Variants in RPH3A observed in about 807,000 individuals in gnomAD.
RPH3A encodes rabphilin-3A.
Under a neutral mutation model 102.2 loss-of-function variants are expected in RPH3A, and 48 were observed. That is an observed-to-expected ratio of 0.47 (90% CI 0.37 to 0.60). The LOEUF (loss-of-function observed/expected upper bound fraction) is 0.60, where lower values mean the gene tolerates loss of function less well. Ranked by LOEUF, RPH3A falls within the 20% of genes least tolerant of loss-of-function variation. The pLI is 0.00. For missense variants in RPH3A, 781 were observed against 910.1 expected (o/e 0.86, Z 1.83); for synonymous variants, 310 against 324.3 (o/e 0.96, Z 0.47).
chr12:112,651,475 A>G (rs755547093), intron 1 of RPH3A, among the ~76,000 whole-genome samples: 43 of 152,168 alleles, frequency 2.8e-4, no homozygotes, highest in Admixed American at 2.6e-4. Flanking sequence ...AAACTTCATT[A>G]TATTATCTTG....
Position 112,859,755 on chromosome 12 carries a change from G to A in RPH3A, c.231-5659G>A, listed in dbSNP as rs116139450. Among the ~76,000 whole-genome samples the A allele has an allele frequency of 5.0e-3, 763 of 152,240 alleles. 3 individuals are homozygous for A. The highest frequency in any genetic ancestry group is 0.017 in the African/African-American group (723 of 41,534). Reference sequence around the variant, plus strand: ...CACCAGCAGATTCAAACAGGGAGCCGCTTTAAAATGCAGGTTCCTAGGCCT... The same window carrying A: ...CACCAGCAGATTCAAACAGGGAGCCACTTTAAAATGCAGGTTCCTAGGCCT... On this transcript the variant is annotated intron_variant, in intron 5 of 21. Coordinates refer to ENST00000389385, the MANE Select transcript of RPH3A (RefSeq NM_001143854.2).
At chr12:112,621,401 G>A (rs9795986) in intron 1 of RPH3A, among the ~76,000 whole-genome samples, 3 of 149,686 alleles carry the variant, frequency 2.0e-5, no homozygotes, top group East Asian at 2.0e-4. Context: ...CCTGGGAAGC[G>A]CAAGGGGTCA....
At chr12:112,811,257 C>A (rs2041570033) in intron 2 of RPH3A, among the ~76,000 whole-genome samples, 1 of 152,190 alleles carries the variant, frequency 6.6e-6, no homozygotes, top group South Asian at 2.1e-4. Context: ...AATACCTAAT[C>A]TTGTTTTATG....
intron 1 of RPH3A, among the ~76,000 whole-genome samples, chr12:112,719,966 T>C (rs12314124): frequency 0.17 from 25,183 of 152,262 alleles, 2,288 homozygotes; most frequent in African/African-American, 0.24. Context: ...GAGCCTATAG[T>C]TTTTTTCTTT....
intron 5 of RPH3A, among the ~76,000 whole-genome samples, chr12:112,860,857 T>C (rs1309434040): frequency 6.6e-6 from 1 of 152,190 alleles, no homozygotes; most frequent in Non-Finnish European, 1.5e-5. Flanking sequence ...TGGGAGCAAC[T>C]GTGTATAAGA....
At chr12:112,731,264 G>A (rs893004349) in intron 1 of RPH3A, among the ~76,000 whole-genome samples, 1 of 151,960 alleles carries the variant, frequency 6.6e-6, no homozygotes, top group African/African-American at 2.4e-5. Context: ...AAGAGAAAGA[G>A]GGAGAGAAGA....
intron 1 of RPH3A, among the ~76,000 whole-genome samples, chr12:112,677,283 T>G (rs1162865929): frequency 6.6e-6 from 1 of 151,844 alleles, no homozygotes; most frequent in East Asian, 1.9e-4. Flanking sequence ...TGGGACCCAG[T>G]GTCAAGAGCT....
At chr12:112,615,684 G>A (rs1366448337) in intron 1 of RPH3A, among the ~76,000 whole-genome samples, 1 of 152,066 alleles carries the variant, frequency 6.6e-6, no homozygotes, top group African/African-American at 2.4e-5. Flanking sequence ...TGCACTTGAC[G>A]ACCGTGTCCA....
At chr12:112,795,116 C>T (rs1163896400) in intron 2 of RPH3A, among the ~76,000 whole-genome samples, 1 of 152,180 alleles carries the variant, frequency 6.6e-6, no homozygotes, top group Non-Finnish European at 1.5e-5. Context: ...GGGGTGGCTG[C>T]TCTTGGGCTT....
intron 3 of RPH3A, among the ~76,000 whole-genome samples, chr12:112,830,434 T>TTTGGC (rs1375475439): frequency 6.6e-6 from 1 of 152,190 alleles, no homozygotes; most frequent in African/African-American, 2.4e-5. Flanking sequence ...TGTGTTAAGA[T>TTTGGC]TTGGCTTATA....
intron 13 of RPH3A, among the ~76,000 whole-genome samples, chr12:112,878,311 T>C (rs1005167283): frequency 1.3e-5 from 2 of 152,128 alleles, no homozygotes; most frequent in African/African-American, 4.8e-5. Context: ...CATAGATGAG[T>C]CCTCCCAGCC....
chr12:112,881,991 A>G (rs1343301150), intron 15 of RPH3A, 145 bp downstream of exon 15: 2 of 571,778 alleles, frequency 3.5e-6, no homozygotes, highest in African/African-American at 1.9e-5. Context: ...GCCATTGCAG[A>G]GCAAGTAAAG....
At chr12:112,882,481 T>A (rs1392339557) in intron 15 of RPH3A, among the ~76,000 whole-genome samples, 1 of 152,190 alleles carries the variant, frequency 6.6e-6, no homozygotes, top group African/African-American at 2.4e-5. Context: ...ATCTGTCAAA[T>A]GATCTTCAGA....
chr12:112,726,691 T>TA (rs1314718278), intron 1 of RPH3A, among the ~76,000 whole-genome samples: 2 of 152,232 alleles, frequency 1.3e-5, no homozygotes, highest in Non-Finnish European at 2.9e-5. Context: ...TTTGCCATTT[T>TA]ATCTCAAAGT....
intron 6 of RPH3A, 72 bp downstream of exon 6, chr12:112,865,615 A>AG: frequency 6.6e-7 from 1 of 1,522,590 alleles, no homozygotes; most frequent in Non-Finnish European, 8.9e-7. Flanking sequence ...CTCCAGCTGT[A>AG]GGGGTCACTG....
intron 1 of RPH3A, among the ~76,000 whole-genome samples, chr12:112,688,352 G>T (rs950240338): frequency 1.3e-5 from 2 of 152,158 alleles, no homozygotes; most frequent in African/African-American, 4.8e-5. Flanking sequence ...CTGTATTCTA[G>T]GAGAGAGACC....
intron 1 of RPH3A, among the ~76,000 whole-genome samples, chr12:112,718,300 A>T (rs1216104136): frequency 6.6e-6 from 1 of 152,224 alleles, no homozygotes; most frequent in Non-Finnish European, 1.5e-5. Context: ...ATTTAAATCC[A>T]TATTTGGATT....
At chr12:112,843,577 AAT>A (rs2042182199) in intron 4 of RPH3A, among the ~76,000 whole-genome samples, 3 of 152,096 alleles carry the variant, frequency 2.0e-5, no homozygotes, top group Non-Finnish European at 2.9e-5. Flanking sequence ...TAACACCGGC[AAT>A]GGTGTGGTGG....
At chr12:112,727,847 T>C (rs1485319511) in intron 1 of RPH3A, among the ~76,000 whole-genome samples, 2 of 152,206 alleles carry the variant, frequency 1.3e-5, no homozygotes, top group African/African-American at 2.4e-5. Context: ...AGGGTTCTTT[T>C]GTTCACAACC....
Sources: gnomAD v4.1 joint callset for allele counts (sites outside exome capture counted in the v4.1 genomes callset) on GRCh38, gnomAD v4.1.1 for gene constraint, MANE v1.5 for transcripts, NCBI Gene and HGNC (gene_info 2026-07-23, HGNC 2026-07-21) for gene names.